C8orf34: variants seen among roughly 807,000 people sequenced by gnomAD.
The protein encoded by C8orf34 is chromosome 8 open reading frame 34.
In C8orf34, 65 loss-of-function variants were observed where a neutral mutation model predicts 68.3. The ratio of observed to expected loss-of-function variants is 0.95; its 90% confidence interval spans 0.78 to 1.17. The LOEUF is 1.17. Ranked by LOEUF, C8orf34 falls within the 50% of genes most tolerant of loss-of-function variation. The pLI is 0.00. For synonymous variants in C8orf34, 244 were observed against 241.2 expected (o/e 1.01, Z -0.11); for missense variants, 664 against 655.4 (o/e 1.01, Z -0.14).
intron 9 of C8orf34, among the ~76,000 whole-genome samples, chr8:68,709,739 G>T (rs1014874114): frequency 6.6e-6 from 1 of 151,978 alleles, no homozygotes; most frequent in African/African-American, 2.4e-5. Context: ...AAATAAAGCT[G>T]CTTATTTAAT....
intron 5 of C8orf34, among the ~76,000 whole-genome samples, chr8:68,495,256 A>C (rs1813477507): frequency 6.6e-6 from 1 of 151,396 alleles, no homozygotes; most frequent in African/African-American, 2.4e-5. Flanking sequence ...TTGAAACTTT[A>C]AATAGACATG....
chr8:68,391,793 G>A (rs371845955), intron 1 of C8orf34, among the ~76,000 whole-genome samples: 14 of 152,130 alleles, frequency 9.2e-5, no homozygotes, highest in African/African-American at 3.4e-4. Context: ...CAGAGGGACC[G>A]GAATATGACA....
chr8:68,479,200 A>T (rs1269528743), intron 4 of C8orf34, among the ~76,000 whole-genome samples: 2 of 152,170 alleles, frequency 1.3e-5, no homozygotes, highest in Non-Finnish European at 2.9e-5. Context: ...AGAAGCTGGT[A>T]TGCAGTGGAC....
At chr8:68,568,312 C>T (rs1816658148) in intron 7 of C8orf34, among the ~76,000 whole-genome samples, 1 of 152,074 alleles carries the variant, frequency 6.6e-6, no homozygotes, top group Admixed American at 6.5e-5. Flanking sequence ...GTGAAGAGGC[C>T]TAATTTTCTG....
rs551282332 is a variant in C8orf34 at position 68,810,180 on chromosome 8, T to C, written c.1550-5706T>C. Among the ~76,000 whole-genome samples, 142 of 152,286 alleles carry C rather than the reference T, an allele frequency of 9.3e-4. 1 individual carries two copies. The highest frequency in any genetic ancestry group is 6.8e-3 in the Middle Eastern group (2 of 292). On this transcript the variant is annotated intron_variant, in intron 12 of 13. Coordinates refer to ENST00000518698, the MANE Select transcript of C8orf34 (RefSeq NM_052958.4). ...GCTCGTGCTACCCTCCCAGATCCCA[T>C]GCCTGCCAAGGGCAAGCCAGGCACA... is the stretch of plus-strand genomic sequence containing the variant.
chr8:68,481,548 G>A (rs1586230001), intron 4 of C8orf34, among the ~76,000 whole-genome samples: 3 of 152,352 alleles, frequency 2.0e-5, no homozygotes, highest in Admixed American at 6.5e-5. Flanking sequence ...CAGCAGCCAG[G>A]AGAGAGGCAT....
Position 68,435,224 on chromosome 8 carries a change from GA to G in C8orf34, c.328-4270del, listed in dbSNP as rs200088745. Among the ~76,000 whole-genome samples, 1,039 of 149,822 alleles carry G rather than the reference GA, an allele frequency of 6.9e-3. 14 individuals carry two copies. The highest frequency in any genetic ancestry group is 0.024 in the African/African-American group (998 of 41,028). On this transcript the variant is annotated intron_variant, in intron 1 of 13. Transcript: ENST00000518698. ...TATAAATATATGATATATAAATGTA[GA>G]AAAACAATAGTAAAAATAAAAATAT...
At chr8:68,465,924 A>G (rs1812106496) in intron 3 of C8orf34, among the ~76,000 whole-genome samples, 1 of 151,858 alleles carries the variant, frequency 6.6e-6, no homozygotes, top group Admixed American at 6.6e-5. Flanking sequence ...CACATTGTGC[A>G]CATGTACCCT....
intron 10 of C8orf34, among the ~76,000 whole-genome samples, chr8:68,745,203 C>A (rs140539116): frequency 0.19 from 28,613 of 151,906 alleles, 2,948 homozygotes; most frequent in Middle Eastern, 0.3. Context: ...TTGTCACCAC[C>A]AGGCCTGCCC....
chr8:68,605,357 GGT>G (rs1164785507), intron 7 of C8orf34, among the ~76,000 whole-genome samples: 2 of 152,032 alleles, frequency 1.3e-5, no homozygotes, highest in Admixed American at 1.3e-4. Flanking sequence ...TGCACTCCTT[GGT>G]ATTTACCCAA....
In C8orf34 at chr8:68,766,367, A is replaced by G. The variant is rs148447117; in HGVS notation, c.1405-10032A>G. On this transcript the variant is annotated intron_variant, in intron 10 of 13. Coordinates refer to ENST00000518698, the MANE Select transcript of C8orf34 (RefSeq NM_052958.4). ...GGTTTAAATTATGTGACTCATATTC[A>G]TATTTCACGGACCTTAGAGAATTTA... is the stretch of plus-strand genomic sequence containing the variant. 1.1e-3 allele frequency among the ~76,000 whole-genome samples: 173 copies of G among 152,346 alleles called. 1 individual carries two copies. The highest frequency in any genetic ancestry group is 4.1e-3 in the African/African-American group (172 of 41,576).
chr8:68,565,689 C>T (rs1816567015), intron 7 of C8orf34, among the ~76,000 whole-genome samples: 1 of 152,090 alleles, frequency 6.6e-6, no homozygotes, highest in Non-Finnish European at 1.5e-5. Flanking sequence ...TTCATCATAA[C>T]GTTGCTTAAG....
chr8:68,396,994 A>C (rs1808742619), intron 1 of C8orf34, among the ~76,000 whole-genome samples: 1 of 151,862 alleles, frequency 6.6e-6, no homozygotes, highest in African/African-American at 2.4e-5. Flanking sequence ...GTTTTTAAAA[A>C]ATTTTTATTT....
chr8:68,670,102 T>C (rs898847860), intron 8 of C8orf34, among the ~76,000 whole-genome samples: 4 of 152,208 alleles, frequency 2.6e-5, no homozygotes, highest in Non-Finnish European at 5.9e-5. Flanking sequence ...CTTAGTATAC[T>C]GATAGGTTAG....
intron 1 of C8orf34, among the ~76,000 whole-genome samples, chr8:68,372,348 A>G (rs1304699506): frequency 6.6e-6 from 1 of 152,172 alleles, no homozygotes; most frequent in Non-Finnish European, 1.5e-5. Context: ...AGGGAAACAC[A>G]GGAAAGAAAC....
chr8:68,373,604 A>G (rs1459444728), intron 1 of C8orf34, among the ~76,000 whole-genome samples: 1 of 152,232 alleles, frequency 6.6e-6, no homozygotes, highest in Admixed American at 6.5e-5. Flanking sequence ...GAACTGTCTC[A>G]TTCTGTTTCC....
chr8:68,807,969 T>C (rs1045401620), intron 12 of C8orf34, among the ~76,000 whole-genome samples: 2 of 152,230 alleles, frequency 1.3e-5, no homozygotes, highest in African/African-American at 4.8e-5. Flanking sequence ...CTCAGTAAGA[T>C]TACAACTCCA....
At chr8:68,761,670 C>T (rs985783466) in intron 10 of C8orf34, among the ~76,000 whole-genome samples, 2 of 152,202 alleles carry the variant, frequency 1.3e-5, no homozygotes, top group Non-Finnish European at 2.9e-5. Flanking sequence ...AACCACAGTG[C>T]TCTAACCTGA....
chr8:68,775,117 C>T (rs938523325), intron 10 of C8orf34, among the ~76,000 whole-genome samples: 4 of 150,374 alleles, frequency 2.7e-5, no homozygotes, highest in Non-Finnish European at 4.4e-5. Context: ...CCAGTCCAAG[C>T]GATGCTTCTC....
Sources: gnomAD v4.1 joint callset for allele counts (sites outside exome capture counted in the v4.1 genomes callset) on GRCh38, gnomAD v4.1.1 for gene constraint, MANE v1.5 for transcripts, NCBI Gene and HGNC (gene_info 2026-07-23, HGNC 2026-07-21) for gene names.